AP3B1: variants seen among roughly 807,000 people sequenced by gnomAD.
AP3B1 encodes adaptor related protein complex 3 subunit beta 1.
Under a neutral mutation model 132.5 loss-of-function variants are expected in AP3B1, and 61 were observed. That is an observed-to-expected ratio of 0.46 (90% CI 0.37 to 0.57). The LOEUF is 0.57. Ranked by LOEUF, AP3B1 falls within the 20% of genes least tolerant of loss-of-function variation. AP3B1 has a pLI of 0.00. For synonymous variants in AP3B1, 388 were observed against 438.3 expected (o/e 0.89, Z 1.43); for missense variants, 1,120 against 1,289.4 (o/e 0.87, Z 2.01).
chr5:78,145,650 T>A (rs1408999761), intron 14 of AP3B1, among the ~76,000 whole-genome samples: 1 of 152,148 alleles, frequency 6.6e-6, no homozygotes, highest in Non-Finnish European at 1.5e-5. Flanking sequence ...GATGAAGGAT[T>A]ATTCCTTCAT....
chr5:78,227,261 A>G lies in AP3B1; in HGVS notation c.536+111T>C. On this transcript the variant is annotated intron_variant, in intron 5 of 26. Coordinates refer to ENST00000255194, the MANE Select transcript of AP3B1 (RefSeq NM_003664.5). ...ATACCATCATACAGTCACTGGATTT[A>G]CTTAGTGTAAGAGCAGCCTACCTAA... is the stretch of plus-strand genomic sequence containing the variant. 3 of 1,010,136 alleles carry G rather than the reference A, an allele frequency of 3.0e-6. No homozygotes were observed. In the South Asian group the frequency reaches 4.0e-5, roughly 14 times the overall value. The allele number at this position is 1,010,136 out of a possible 1,614,324, so 62.6% of individuals were successfully genotyped here. A position where few individuals can be genotyped will look rare whatever the true frequency, so the allele number is the denominator to read the frequency against.
intron 24 of AP3B1, among the ~76,000 whole-genome samples, chr5:78,021,192 A>T (rs918431475): frequency 6.6e-6 from 1 of 152,206 alleles, no homozygotes. Flanking sequence ...TGAAACAGTT[A>T]AGATATCTTT....
chr5:78,036,174 G>A (rs753062930), intron 23 of AP3B1, among the ~76,000 whole-genome samples: 3 of 152,088 alleles, frequency 2.0e-5, no homozygotes, highest in Non-Finnish European at 4.4e-5. Flanking sequence ...ATAATTAACT[G>A]TGAGCTTAGT....
intron 24 of AP3B1, among the ~76,000 whole-genome samples, chr5:78,030,770 G>A (rs1166496006): frequency 6.6e-6 from 1 of 152,088 alleles, no homozygotes; most frequent in East Asian, 1.9e-4. Flanking sequence ...TTGAACTCCT[G>A]GGTTCCAGTG....
chr5:78,250,203 G>C lies in AP3B1; in HGVS notation c.205-9267C>G, dbSNP rs114939148. ...ATTGGTCTTTCTAATAATCTTCAGG[G>C]AAGTACCCTGAGGACAACATACCAA... On this transcript the variant is annotated intron_variant, in intron 2 of 26. Transcript: ENST00000255194. Among the ~76,000 whole-genome samples, 342 of 152,208 alleles carry C rather than the reference G, an allele frequency of 2.2e-3. 1 individual carries two copies. The highest frequency in any genetic ancestry group is 8.1e-3 in the African/African-American group (336 of 41,548).
At chr5:78,070,801 C>A (rs1749505388) in intron 22 of AP3B1, among the ~76,000 whole-genome samples, 1 of 151,240 alleles carries the variant, frequency 6.6e-6, no homozygotes, top group African/African-American at 2.4e-5. Flanking sequence ...GGCCAACAAA[C>A]ATGAAAGAAA....
At chr5:78,068,611 T>C (rs958716845) in intron 22 of AP3B1, among the ~76,000 whole-genome samples, 1 of 152,102 alleles carries the variant, frequency 6.6e-6, no homozygotes, top group East Asian at 1.9e-4. Context: ...CAGTAATAAA[T>C]AGCCTACCAA....
chr5:78,107,253 A>T (rs1751378414), intron 20 of AP3B1, among the ~76,000 whole-genome samples: 1 of 152,186 alleles, frequency 6.6e-6, no homozygotes, highest in Non-Finnish European at 1.5e-5. Flanking sequence ...ATAAAAAAAG[A>T]TCAAGATTAA....
At chr5:78,193,836 C>CTT (rs1744971476) in intron 7 of AP3B1, among the ~76,000 whole-genome samples, 1 of 147,746 alleles carries the variant, frequency 6.8e-6, no homozygotes. Context: ...ATCTCGCTCA[C>CTT]TGCAAGCTCC....
Position 78,170,370 on chromosome 5 carries a change from C to A in AP3B1, c.1168-4698G>T, listed in dbSNP as rs1189605487. Reference sequence around the variant, plus strand: ...ATGGTTGAACTAGTTTACAGTCCCACCAACAGTGTAAAAGTGTTTCTATTT... The same window carrying A: ...ATGGTTGAACTAGTTTACAGTCCCAACAACAGTGTAAAAGTGTTTCTATTT... On this transcript the variant is annotated intron_variant, in intron 11 of 26. Coordinates refer to ENST00000255194, the MANE Select transcript of AP3B1 (RefSeq NM_003664.5). Among the ~76,000 whole-genome samples, 3 of 152,202 alleles carry A rather than the reference C, an allele frequency of 2.0e-5. No homozygotes were observed. In the East Asian group the frequency reaches 5.8e-4, roughly 29 times the overall value.
chr5:78,019,242 T>G (rs1369607862), intron 25 of AP3B1, among the ~76,000 whole-genome samples: 2 of 152,080 alleles, frequency 1.3e-5, no homozygotes, highest in Non-Finnish European at 2.9e-5. Context: ...ACCTCTCTCA[T>G]GCACTTAAGG....
At chr5:78,094,670 C>T (rs252748) in intron 21 of AP3B1, among the ~76,000 whole-genome samples, 98,229 of 151,806 alleles carry the variant, frequency 0.65, 32,775 homozygotes, top group African/African-American at 0.8. Context: ...GCTTGACTGA[C>T]TCTTTTTTTC....
At chr5:78,184,663 G>T (rs1744525740) in intron 7 of AP3B1, among the ~76,000 whole-genome samples, 1 of 146,064 alleles carries the variant, frequency 6.8e-6, no homozygotes, top group Non-Finnish European at 1.5e-5. Context: ...CTCCAGCCTG[G>T]GTGACACAGC....
intron 1 of AP3B1, among the ~76,000 whole-genome samples, chr5:78,291,796 A>G (rs1249484368): frequency 6.7e-6 from 1 of 148,452 alleles, no homozygotes; most frequent in Non-Finnish European, 1.5e-5. Flanking sequence ...AATGCTTGGG[A>G]AAAAAAACAC....
rs550292690 is a variant in AP3B1 at position 78,193,848 on chromosome 5, G to A, written c.787-12186C>T. ...GTGATCTCGCTCACTGCAAGCTCCCGGGTTCACGCCATTCTCCTGCCTCAG... is the reference window on the plus strand; with the variant it reads ...GTGATCTCGCTCACTGCAAGCTCCCAGGTTCACGCCATTCTCCTGCCTCAG... On this transcript the variant is annotated intron_variant, in intron 7 of 26. Transcript: ENST00000255194. 6.1e-5 allele frequency among the ~76,000 whole-genome samples: 9 copies of A among 148,200 alleles called. No homozygotes were observed. In the South Asian group the frequency reaches 8.5e-4, roughly 14 times the overall value.
chr5:78,194,265 T>C (rs748572320), intron 7 of AP3B1, among the ~76,000 whole-genome samples: 13 of 152,204 alleles, frequency 8.5e-5, no homozygotes, highest in Non-Finnish European at 1.5e-4. Flanking sequence ...GATTTCTTGT[T>C]ATACAGATAA....
Position 78,225,565 on chromosome 5 carries a change from T to C in AP3B1, c.580A>G (p.Lys194Glu), listed in dbSNP as rs928922082. 1.3e-6 allele frequency: 2 copies of C among 1,581,292 alleles called. No individual in the cohort carries two copies. Among genetic ancestry groups the C allele is most frequent in the Non-Finnish European group, 1.7e-6 (2 of 1,152,624 alleles). The stretch of plus-strand genomic sequence containing the variant: ...ACTGTGCTTTTATCTTTCAGAAGTT[T>C]TTCAATTACTTCAATTAACATTTCC... ...QKEMLIEVIEKLLKDKSTLVA... is the reference protein window; with the variant it reads ...QKEMLIEVIEELLKDKSTLVA... Residue 194 changes from lysine to glutamate, a missense_variant, in exon 6 of 27, where the codon AAA becomes GAA. This residue lies in a region of AP3B1 where 129 missense variants were observed against 212.4 expected (regional missense o/e 0.61). Transcript: ENST00000255194.
chr5:78,044,840 T>A (rs1254267786), intron 22 of AP3B1, among the ~76,000 whole-genome samples: 1 of 152,140 alleles, frequency 6.6e-6, no homozygotes, highest in African/African-American at 2.4e-5. Flanking sequence ...TATCAAAAAA[T>A]ATGTTAAGGG....
intron 17 of AP3B1, among the ~76,000 whole-genome samples, chr5:78,122,509 A>T (rs1456740146): frequency 6.6e-6 from 1 of 152,232 alleles, no homozygotes; most frequent in African/African-American, 2.4e-5. Context: ...CTCAGGATAC[A>T]AAATCAATGT....
Sources: gnomAD v4.1 joint callset for allele counts (sites outside exome capture counted in the v4.1 genomes callset) on GRCh38, gnomAD v4.1.1 for gene constraint, gnomAD v4.1.1 regional missense constraint, MANE v1.5 for transcripts, NCBI Gene and HGNC (gene_info 2026-07-23, HGNC 2026-07-21) for gene names.